Variants in ZNF736 observed in about 807,000 individuals in gnomAD.
ZNF736 encodes zinc finger protein 736.
ZNF736 carries 6 observed loss-of-function variants against 11.7 expected under a neutral mutation model. The observed-to-expected ratio is 0.51, with a 90% CI of 0.28 to 1.01. ZNF736 has a LOEUF of 1.01. Ranked by LOEUF, ZNF736 falls within the 50% of genes least tolerant of loss-of-function variation. The pLI, the probability that ZNF736 is intolerant of heterozygous loss-of-function variation, is 0.09. For synonymous variants in ZNF736, 139 were observed against 164.7 expected, an observed-to-expected ratio of 0.84 and a Z score of 1.19; for missense variants, 444 against 496.0, an observed-to-expected ratio of 0.90 and a Z score of 1.00.
rs911366391 is a variant in ZNF736, at chr7:64,353,639, A to G, written c.*4492A>G. The G allele has an allele frequency of 1.3e-5, 2 of 152,188 alleles. No individual in the cohort carries two copies. Among genetic ancestry groups the G allele is most frequent in the Non-Finnish European group, 2.9e-5 (2 of 68,044 alleles). 9.4% of individuals were successfully genotyped at this position (152,188 alleles called of 1,614,324 possible). A position where few individuals can be genotyped will look rare whatever the true frequency, so the allele number is the denominator to read the frequency against. ...GATGGACAGATTTATATACTTTTCC[A>G]TGGAGGATTAAGTAAACTGAAACCT... On this transcript the variant is annotated 3_prime_UTR_variant, in exon 4 of 4. Transcript: ENST00000423484.
chr7:64,340,453 G>A (rs1789321605), intron 3 of ZNF736, among the ~76,000 whole-genome samples: 1 of 152,192 alleles, frequency 6.6e-6, no homozygotes, highest in African/African-American at 2.4e-5. Context: ...TTGACCTGTA[G>A]CCAAAGAGCA....
intron 1 of ZNF736, 104 bp downstream of exon 1, chr7:64,314,257 G>A (rs1788879886): frequency 1.4e-6 from 2 of 1,438,988 alleles, no homozygotes; most frequent in Non-Finnish European, 1.9e-6. Flanking sequence ...CTGCTCTGGA[G>A]TCTGCATCCC....
chr7:64,321,122 C>A lies in ZNF736; in HGVS notation c.3+6969C>A, dbSNP rs557935955. 2.6e-5 allele frequency among the ~76,000 whole-genome samples: 4 copies of A among 152,218 alleles called. No homozygotes were observed. The East Asian group carries it at 5.8e-4, about 22-fold the overall frequency. On this transcript the variant is annotated intron_variant, in intron 1 of 3. Transcript: ENST00000423484. ...ATGAGCATCACTCCTCAAGGTGTCA[C>A]CCAAGAGTTGCTGATTATAGTGCTG...
rs141321121 is a variant in ZNF736, at chr7:64,332,950, A to G, written c.4-3309A>G. Among the ~76,000 whole-genome samples the G allele has an allele frequency of 4.4e-3, 667 of 152,222 alleles. 2 individuals are homozygous for G. Among genetic ancestry groups the G allele is most frequent in the African/African-American group, 0.015 (624 of 41,522 alleles). ...TTATTCTGTTCTTCTTCAAGGTGCA[A>G]TGATTTCATATTGTTTAAACACATG... is the stretch of plus-strand genomic sequence containing the variant. On this transcript the variant is annotated intron_variant, in intron 1 of 3. Coordinates refer to ENST00000423484, the MANE Select transcript of ZNF736 (RefSeq NM_001170905.3).
chr7:64,336,353 T>C lies in ZNF736; in HGVS notation c.98T>C (p.Met33Thr). 6.2e-7 allele frequency: 1 copy of C among 1,613,832 alleles called. No individual in the cohort carries two copies. The highest frequency in any genetic ancestry group is 8.5e-7 in the Non-Finnish European group (1 of 1,179,840). Residue 33 changes from methionine (M) to threonine (T), a missense_variant, in exon 2 of 4, where the codon ATG becomes ACG. Physicochemically the swap from Met to Thr is moderately conservative, Grantham distance 81. Transcript: ENST00000423484. ...SAQQRLYRDV[M>T]LENYGNLVSL... ...CAGCAGCGTTTGTATAGGGATGTGA[T>C]GTTAGAGAACTATGGAAACCTGGTC...
chr7:64,323,969 C>T (rs1236262665), intron 1 of ZNF736, among the ~76,000 whole-genome samples: 2 of 152,108 alleles, frequency 1.3e-5, no homozygotes, highest in Non-Finnish European at 2.9e-5. Context: ...TAAACACATA[C>T]CAACTATTTG....
chr7:64,345,732 TAAAAAAAAA>T (rs60388880), intron 3 of ZNF736, among the ~76,000 whole-genome samples: 2 of 82,870 alleles, frequency 2.4e-5, no homozygotes, highest in East Asian at 4.4e-4. Flanking sequence ...TACTCCATCT[TAAAAAAAAA>T]AAAAAAAAAA....
intron 1 of ZNF736, among the ~76,000 whole-genome samples, chr7:64,330,243 G>A (rs143233558): frequency 0.079 from 11,974 of 151,904 alleles, 551 homozygotes; most frequent in Non-Finnish European, 0.1. Flanking sequence ...TGCAAGCTCC[G>A]CCTCCCGGGT....
intron 1 of ZNF736, among the ~76,000 whole-genome samples, chr7:64,335,901 A>G (rs376635005): frequency 6.6e-6 from 1 of 152,248 alleles, no homozygotes; most frequent in Non-Finnish European, 1.5e-5. Flanking sequence ...GCTATACACA[A>G]TAAGATTTGA....
chr7:64,339,281 G>A (rs1789302160), intron 3 of ZNF736, among the ~76,000 whole-genome samples: 1 of 151,996 alleles, frequency 6.6e-6, no homozygotes, highest in African/African-American at 2.4e-5. Context: ...CTACAGAAGT[G>A]TTTTAGTTTG....
rs1426860753 is a variant in ZNF736 at position 64,349,388 on chromosome 7, A to G, written c.*241A>G. ...TTTCAAGTCTGTTTTGTCAGAAACT[A>G]GGATTGCAACCCCTGCTTCTTTTCC... On this transcript the variant is annotated 3_prime_UTR_variant, in exon 4 of 4. Coordinates refer to ENST00000423484, the MANE Select transcript of ZNF736 (RefSeq NM_001170905.3). The G allele has an allele frequency of 1.1e-5, 4 of 348,596 alleles. No homozygotes were observed. Among genetic ancestry groups the G allele is most frequent in the Non-Finnish European group, 2.1e-5 (4 of 194,538 alleles). 21.6% of individuals were successfully genotyped at this position (348,596 alleles called of 1,614,324 possible). A position where few individuals can be genotyped will look rare whatever the true frequency, so the allele number is the denominator to read the frequency against.
At chr7:64,318,733 C>T (rs1450351606) in intron 1 of ZNF736, among the ~76,000 whole-genome samples, 2 of 151,914 alleles carry the variant, frequency 1.3e-5, no homozygotes, top group Non-Finnish European at 2.9e-5. Context: ...TAATTCAGTA[C>T]CATGTAGATA....
intron 3 of ZNF736, among the ~76,000 whole-genome samples, chr7:64,341,330 G>A (rs1425446976): frequency 1.3e-5 from 2 of 150,724 alleles, no homozygotes; most frequent in African/African-American, 2.4e-5. Flanking sequence ...TTTATGTTAC[G>A]TGATCCTTTT....
At chr7:64,323,570 AG>A (rs1259839830) in intron 1 of ZNF736, among the ~76,000 whole-genome samples, 8 of 152,318 alleles carry the variant, frequency 5.3e-5, no homozygotes, top group African/African-American at 1.9e-4. Flanking sequence ...AGAAGGAAAA[AG>A]ATCATGTCCT....
At chr7:64,338,393 G>A (rs1303589931) in intron 3 of ZNF736, among the ~76,000 whole-genome samples, 1 of 152,080 alleles carries the variant, frequency 6.6e-6, no homozygotes, top group African/African-American at 2.4e-5. Context: ...CAAATTTTCA[G>A]CATACATAAC....
chr7:64,343,966 T>TTC (rs61176639), intron 3 of ZNF736, among the ~76,000 whole-genome samples: 1 of 149,340 alleles, frequency 6.7e-6, no homozygotes, highest in Non-Finnish European at 1.5e-5. Context: ...TTTTTTTTTT[T>TTC]ATTTTTTTGT....
At chr7:64,326,963 G>C (rs201027617) in intron 1 of ZNF736, among the ~76,000 whole-genome samples, 2 of 152,192 alleles carry the variant, frequency 1.3e-5, no homozygotes, top group East Asian at 3.9e-4. Context: ...TTGTGACCTA[G>C]CTTATGGTCC....
chr7:64,339,810 A>G (rs1007557775), intron 3 of ZNF736, among the ~76,000 whole-genome samples: 1 of 152,082 alleles, frequency 6.6e-6, no homozygotes, highest in Non-Finnish European at 1.5e-5. Context: ...TGAATTTTCT[A>G]TTACTTCGAA....
In ZNF736 at chr7:64,349,825, G is replaced by A. The variant is rs1789462188; in HGVS notation, c.*678G>A. On this transcript the variant is annotated 3_prime_UTR_variant, in exon 4 of 4. Coordinates refer to ENST00000423484, the MANE Select transcript of ZNF736 (RefSeq NM_001170905.3). ...ATTTTTTACTTCTGAAGCTTACCTT[G>A]GTCAGATATGAAATTCTGTGTTGGA... 1.3e-5 allele frequency: 2 copies of A among 152,124 alleles called. No individual in the cohort carries two copies. The highest frequency in any genetic ancestry group is 1.3e-4 in the Admixed American group (2 of 15,262). 9.4% of individuals were successfully genotyped at this position (152,124 alleles called of 1,614,324 possible). A position where few individuals can be genotyped will look rare whatever the true frequency, so the allele number is the denominator to read the frequency against.
Sources: allele counts gnomAD v4.1 joint callset (sites outside exome capture counted in the v4.1 genomes callset), GRCh38; gene constraint gnomAD v4.1.1; transcripts MANE v1.5; gene names NCBI Gene and HGNC (gene_info 2026-07-23, HGNC 2026-07-21).